The following LHFPL3 variants were observed in gnomAD, a reference collection of about 807,000 sequenced individuals.
LHFPL3 encodes the protein LHFPL tetraspan subfamily member 3 protein.
In LHFPL3, 5 loss-of-function variants were observed where a neutral mutation model predicts 19.3. The ratio of observed to expected loss-of-function variants is 0.26; its 90% CI spans 0.14 to 0.54. LHFPL3 has a LOEUF of 0.54. Ranked by LOEUF, LHFPL3 falls within the 20% of genes least tolerant of loss-of-function variation. LHFPL3 has a pLI of 0.94. For missense variants in LHFPL3, 249 were observed against 307.4 expected, an observed-to-expected ratio of 0.81 and a Z score of 1.42; for synonymous variants, 133 against 126.2, an observed-to-expected ratio of 1.05 and a Z score of -0.36.
rs534757470 is a variant in LHFPL3 at position 104,823,584 on chromosome 7, G to C, written c.683-82603G>C. ...GTATTTCACAGTTTTCCGTGCTTTA[G>C]CTTGAAATAGATATTATGCCATAAA... On this transcript the variant is annotated intron_variant, in intron 2 of 2. Transcript: ENST00000424859. 5.5e-4 allele frequency among the ~76,000 whole-genome samples: 84 copies of C among 152,202 alleles called. No individual in the cohort carries two copies. In the South Asian group the frequency reaches 6.6e-3, roughly 12 times the overall value.
intron 1 of LHFPL3, among the ~76,000 whole-genome samples, chr7:104,392,099 G>T (rs1791084136): frequency 6.6e-6 from 1 of 152,130 alleles, no homozygotes; most frequent in African/African-American, 2.4e-5. Context: ...AGATGATGGG[G>T]TTTTCTAAAT....
chr7:104,407,516 C>T (rs1185446978), intron 1 of LHFPL3, among the ~76,000 whole-genome samples: 1 of 152,076 alleles, frequency 6.6e-6, no homozygotes, highest in Non-Finnish European at 1.5e-5. Flanking sequence ...ATTAGCCAGG[C>T]ATGGTGGTGC....
At position 104,430,716 on chromosome 7, in the gene LHFPL3, C is replaced by T. The variant is rs556044010; in HGVS notation, c.445+101492C>T. Among the ~76,000 whole-genome samples the T allele has an allele frequency of 1.6e-3, 248 of 151,462 alleles. 1 individual carries two copies. Among genetic ancestry groups the T allele is most frequent in the Non-Finnish European group, 2.7e-3 (183 of 67,886 alleles). On this transcript the variant is annotated intron_variant, in intron 1 of 2. Coordinates refer to ENST00000424859, the MANE Select transcript of LHFPL3 (RefSeq NM_199000.3). Reference sequence around the variant, plus strand: ...ATCTCCTGACCTCATGATCCGCCCACCTCGGCCTCCCAAAGTGCTGAGATT... The same window carrying T: ...ATCTCCTGACCTCATGATCCGCCCATCTCGGCCTCCCAAAGTGCTGAGATT...
chr7:104,834,595 A>G (rs1276219773), intron 2 of LHFPL3, among the ~76,000 whole-genome samples: 4 of 152,038 alleles, frequency 2.6e-5, no homozygotes, highest in Non-Finnish European at 4.4e-5. Context: ...GCCCTTGTCA[A>G]GTGGAGACAA....
At chr7:104,403,725 TTCTCTCTCTCTC>T (rs71786184) in intron 1 of LHFPL3, among the ~76,000 whole-genome samples, 42 of 143,596 alleles carry the variant, frequency 2.9e-4, no homozygotes, top group Non-Finnish European at 4.6e-4. Context: ...TTAGTGAACA[TTCTCTCTCTCTC>T]TCTCTCTCTC....
intron 1 of LHFPL3, among the ~76,000 whole-genome samples, chr7:104,529,663 A>G (rs1462160255): frequency 1.3e-5 from 2 of 152,188 alleles, no homozygotes. Flanking sequence ...CAGAAAAATC[A>G]TGTTGATTAA....
At chr7:104,657,706 A>G (rs917494806) in intron 1 of LHFPL3, among the ~76,000 whole-genome samples, 1 of 152,092 alleles carries the variant, frequency 6.6e-6, no homozygotes, top group Non-Finnish European at 1.5e-5. Context: ...TGTGATGTTC[A>G]TTCTCCCCAT....
At chr7:104,346,655 A>G (rs1051589341) in intron 1 of LHFPL3, among the ~76,000 whole-genome samples, 2 of 147,938 alleles carry the variant, frequency 1.4e-5, no homozygotes, top group Admixed American at 1.4e-4. Context: ...TGACACACGT[A>G]TGTAGTGTAG....
At chr7:104,391,901 A>G (rs1326117384) in intron 1 of LHFPL3, among the ~76,000 whole-genome samples, 2 of 152,150 alleles carry the variant, frequency 1.3e-5, no homozygotes, top group African/African-American at 4.8e-5. Flanking sequence ...GGTCCTTCAC[A>G]TCCCTTGTAA....
intron 1 of LHFPL3, among the ~76,000 whole-genome samples, chr7:104,472,233 A>G (rs944993998): frequency 6.6e-6 from 1 of 151,980 alleles, no homozygotes; most frequent in Non-Finnish European, 1.5e-5. Flanking sequence ...TTTAGTCACT[A>G]TGAGCAAAAC....
At chr7:104,613,337 G>T (rs1240555449) in intron 1 of LHFPL3, among the ~76,000 whole-genome samples, 1 of 152,104 alleles carries the variant, frequency 6.6e-6, no homozygotes, top group Non-Finnish European at 1.5e-5. Context: ...AAAGCAACTT[G>T]ACCTATATAA....
chr7:104,657,792 T>G (rs1008834505), intron 1 of LHFPL3, among the ~76,000 whole-genome samples: 1 of 152,208 alleles, frequency 6.6e-6, no homozygotes. Flanking sequence ...AGTCATAGCT[T>G]TAAACTCTCT....
chr7:104,665,771 G>A (rs1246813970), intron 1 of LHFPL3, among the ~76,000 whole-genome samples: 3 of 152,210 alleles, frequency 2.0e-5, no homozygotes, highest in South Asian at 4.1e-4. Context: ...AGATGAGGAG[G>A]AAATTGACCT....
At chr7:104,597,633 G>A (rs1188195574) in intron 1 of LHFPL3, among the ~76,000 whole-genome samples, 1 of 152,154 alleles carries the variant, frequency 6.6e-6, no homozygotes, top group Non-Finnish European at 1.5e-5. Context: ...GTCTGAAATG[G>A]AATGTATTTC....
chr7:104,420,774 G>A (rs1002612435), intron 1 of LHFPL3, among the ~76,000 whole-genome samples: 13 of 152,032 alleles, frequency 8.6e-5, no homozygotes, highest in African/African-American at 2.7e-4. Context: ...GTGTTAGCCA[G>A]GATGGTCTCG....
intron 1 of LHFPL3, among the ~76,000 whole-genome samples, chr7:104,635,170 G>C (rs1048864087): frequency 2.6e-5 from 4 of 152,018 alleles, no homozygotes; most frequent in Admixed American, 6.6e-5. Flanking sequence ...AGACAATATG[G>C]GGGGGAAAGG....
chr7:104,668,316 C>G (rs751045130), intron 1 of LHFPL3: 4 of 1,602,308 alleles, frequency 2.5e-6, no homozygotes, highest in African/African-American at 1.3e-5. Context: ...TGATAGAAAT[C>G]GGGATTCTGA....
chr7:104,764,237 C>T (rs759992362), intron 2 of LHFPL3, among the ~76,000 whole-genome samples: 6 of 151,794 alleles, frequency 4.0e-5, no homozygotes, highest in African/African-American at 1.5e-4. Context: ...GGTGTGATCT[C>T]GGTTCACTGC....
At position 104,608,117 on chromosome 7, in the gene LHFPL3, A is replaced by C. The variant is rs552075299; in HGVS notation, c.446-128558A>C. The stretch of plus-strand genomic sequence containing the variant: ...TCCTCAGGGATCTAGAACTAGAAAT[A>C]CCATTTGACCCAGCCATCCCATTAC... On this transcript the variant is annotated intron_variant, in intron 1 of 2. Coordinates refer to ENST00000424859, the MANE Select transcript of LHFPL3 (RefSeq NM_199000.3). Among the ~76,000 whole-genome samples the C allele has an allele frequency of 2.0e-4, 30 of 152,260 alleles. No individual in the cohort carries two copies. In the East Asian group the frequency reaches 5.2e-3, roughly 26 times the overall value.
Sources: gnomAD v4.1 joint callset for allele counts (sites outside exome capture counted in the v4.1 genomes callset) on GRCh38, gnomAD v4.1.1 for gene constraint, MANE v1.5 for transcripts, NCBI Gene and HGNC (gene_info 2026-07-23, HGNC 2026-07-21) for gene names.